VPS39: variants seen among roughly 807,000 people sequenced by gnomAD.
VPS39 encodes the protein vam6/Vps39-like protein.
VPS39 carries 70 observed loss-of-function variants against 121.0 expected under a neutral mutation model. The ratio of observed to expected loss-of-function variants is 0.58; its 90% confidence interval spans 0.48 to 0.71. The LOEUF (loss-of-function observed/expected upper bound fraction) is 0.71. VPS39 is among the 30% of genes least tolerant of loss of function. The probability of loss-of-function intolerance (pLI) is 0.00; values close to 1 mark genes in which losing one functional copy is unlikely to be tolerated. For synonymous variants in VPS39, 378 were observed against 398.1 expected, an observed-to-expected ratio of 0.95 and a Z score of 0.60; for missense variants, 818 against 1,051.5, an observed-to-expected ratio of 0.78 and a Z score of 3.07.
chr15:42,186,652 A>C lies in VPS39; in HGVS notation c.534+619T>G, dbSNP rs763242355. Among the ~76,000 whole-genome samples, 106 of 152,232 alleles carry C rather than the reference A, an allele frequency of 7.0e-4. 1 individual carries two copies. Among genetic ancestry groups the C allele is most frequent in the Admixed American group, 1.7e-3 (26 of 15,286 alleles). ...TTTACAACTTACGTTAAGAGAAAACACAGGTCATAAAACAATTGTATAGCA... is the reference window on the plus strand; with the variant it reads ...TTTACAACTTACGTTAAGAGAAAACCCAGGTCATAAAACAATTGTATAGCA... On this transcript the variant is annotated intron_variant, in intron 7 of 24. Coordinates refer to ENST00000318006, the MANE Select transcript of VPS39 (RefSeq NM_015289.5).
intron 3 of VPS39, 74 bp downstream of exon 3, chr15:42,191,422 C>T (rs1168753855): frequency 1.4e-6 from 2 of 1,445,478 alleles, no homozygotes; most frequent in Non-Finnish European, 1.9e-6. Context: ...TAATAAATAA[C>T]ATTACCAAAG....
chr15:42,172,140 G>C (rs991707677), intron 11 of VPS39, among the ~76,000 whole-genome samples: 1 of 152,184 alleles, frequency 6.6e-6, no homozygotes, highest in Non-Finnish European at 1.5e-5. Context: ...TCCTTGCCTT[G>C]AACCTGGCAG....
At chr15:42,193,493 C>G (rs2049872657) in intron 2 of VPS39, among the ~76,000 whole-genome samples, 2 of 152,178 alleles carry the variant, frequency 1.3e-5, no homozygotes, top group Admixed American at 1.3e-4. Context: ...TGTCAATGAA[C>G]TTTTCATTTT....
chr15:42,183,702 A>G (rs1386141182), intron 8 of VPS39, among the ~76,000 whole-genome samples: 2 of 152,206 alleles, frequency 1.3e-5, no homozygotes, highest in Middle Eastern at 3.2e-3. Context: ...CTTCCTAATT[A>G]AACAACAAAC....
chr15:42,204,106 C>T (rs772516409), intron 1 of VPS39, among the ~76,000 whole-genome samples: 1 of 152,238 alleles, frequency 6.6e-6, no homozygotes, highest in South Asian at 2.1e-4. Context: ...TGCAGTCCAA[C>T]TTCATGTAAT....
chr15:42,164,152 C>A (rs921496100), intron 19 of VPS39, among the ~76,000 whole-genome samples: 1 of 152,204 alleles, frequency 6.6e-6, no homozygotes, highest in Admixed American at 6.5e-5. Flanking sequence ...TATCAATTAG[C>A]ATGTGGTTCA....
At chr15:42,178,090 T>C in intron 10 of VPS39, 128 bp downstream of exon 10, 1 of 1,260,250 alleles carries the variant, frequency 7.9e-7, no homozygotes, top group South Asian at 1.5e-5. Context: ...TCAGACCTAG[T>C]ATTCAAGGCC....
intron 13 of VPS39, 151 bp from the exon 14 acceptor site, chr15:42,167,064 T>C (rs1373658783): frequency 2.6e-6 from 3 of 1,137,330 alleles, no homozygotes; most frequent in African/African-American, 1.5e-5. Context: ...TAGAGGCTTT[T>C]AGAGCATTTA....
chr15:42,184,590 G>C lies in VPS39; in HGVS notation c.645C>G (p.Thr215=). 6.2e-7 allele frequency: 1 copy of C among 1,614,120 alleles called. No individual in the cohort carries two copies. Among genetic ancestry groups the C allele is most frequent in the Non-Finnish European group, 8.5e-7 (1 of 1,180,018 alleles). The part of the protein sequence containing the change: ...GKVAVGQDDL[T]VVLNEEGICT... ...AGATCCCTTCCTCATTGAGTACCAC[G>C]GTGAGATCATCCTGGCCCACAGCCA... is the stretch of plus-strand genomic sequence containing the variant. Residue 215 remains threonine (T), a synonymous_variant, in exon 8 of 25, where the codon ACC becomes ACG. Coordinates refer to ENST00000318006, the MANE Select transcript of VPS39 (RefSeq NM_015289.5).
chr15:42,164,917 AC>A, intron 18 of VPS39, 78 bp downstream of exon 18: 1 of 1,587,042 alleles, frequency 6.3e-7, no homozygotes, highest in Non-Finnish European at 8.6e-7. Flanking sequence ...TGGCCTGCTT[AC>A]CCCCACCACA....
intron 2 of VPS39, among the ~76,000 whole-genome samples, chr15:42,194,077 A>G (rs556804730): frequency 6.6e-6 from 1 of 152,348 alleles, no homozygotes; most frequent in South Asian, 2.1e-4. Context: ...TACTAAAAAG[A>G]TGTGTTGCCA....
At chr15:42,198,552 G>A (rs1232021334) in intron 2 of VPS39, among the ~76,000 whole-genome samples, 1 of 152,076 alleles carries the variant, frequency 6.6e-6, no homozygotes, top group African/African-American at 2.4e-5. Flanking sequence ...TGTTGCCCAG[G>A]CTGGCCTCGA....
chr15:42,165,006 G>A lies in VPS39; in HGVS notation c.1887C>T (p.Ser629=). 6.2e-7 allele frequency: 1 copy of A among 1,614,184 alleles called. No homozygotes were observed. The highest frequency in any genetic ancestry group is 8.5e-7 in the Non-Finnish European group (1 of 1,180,032). Residue 629 remains serine, a synonymous_variant, in exon 18 of 25, where the codon TCC becomes TCT. Coordinates refer to ENST00000318006, the MANE Select transcript of VPS39 (RefSeq NM_015289.5). Reference sequence around the variant, plus strand: ...TAAAAGAACTGGTACCTGCAGGGAAGGACAGGAGATACTCCTTCATCAGAC... The same window carrying A: ...TAAAAGAACTGGTACCTGCAGGGAAAGACAGGAGATACTCCTTCATCAGAC... ...VQGLMKEYLL[S]FPAGKTPVPA...
chr15:42,168,133 T>C (rs116386948), intron 12 of VPS39, among the ~76,000 whole-genome samples: 2,548 of 152,354 alleles, frequency 0.017, 76 homozygotes, highest in African/African-American at 0.059. Flanking sequence ...TCATCCAGTA[T>C]GTATTCTCTT....
Position 42,187,839 on chromosome 15 carries a change from C to T in VPS39, c.360G>A (p.Glu120=), listed in dbSNP as rs61733873. ...CTGCCACACACATCCGTAACACCTCCTCACCGGTCTCTGTGTGCTGGGAGG... is the reference window on the plus strand; with the variant it reads ...CTGCCACACACATCCGTAACACCTCTTCACCGGTCTCTGTGTGCTGGGAGG... ...TCDLQHTETG[E]EVLRMCVAVK... The change falls in exon 6 of 25, where the codon GAG becomes GAA. Residue 120 remains glutamate, a synonymous_variant. Coordinates refer to ENST00000318006, the MANE Select transcript of VPS39 (RefSeq NM_015289.5). 1.7e-3 allele frequency: 2,740 copies of T among 1,614,176 alleles called. 39 individuals are homozygous for T. In the African/African-American group the frequency reaches 0.032, roughly 19 times the overall value.
Position 42,161,570 on chromosome 15 carries a change from C to T in VPS39, c.2552+112G>A, listed in dbSNP as rs777333487. 3 of 1,102,396 alleles carry T rather than the reference C, an allele frequency of 2.7e-6. No individual in the cohort carries two copies. The Admixed American group carries it at 5.1e-5, about 19-fold the overall frequency. 68.3% of individuals were successfully genotyped at this position (1,102,396 alleles called of 1,614,324 possible). On this transcript the variant is annotated intron_variant, in intron 24 of 24. Coordinates refer to ENST00000318006, the MANE Select transcript of VPS39 (RefSeq NM_015289.5). The stretch of plus-strand genomic sequence containing the variant: ...AAGAACTAAAAGTTGTCAGGACAGC[C>T]AGCAGCCATGTTCTCCTTCTCTGTT...
chr15:42,177,516 C>T (rs551146966), intron 10 of VPS39, among the ~76,000 whole-genome samples: 13 of 152,112 alleles, frequency 8.5e-5, no homozygotes, highest in South Asian at 2.1e-4. Flanking sequence ...TAGGAGTCTA[C>T]TGTGGAAAGG....
chr15:42,175,336 A>G (rs2049429190), intron 10 of VPS39, among the ~76,000 whole-genome samples: 1 of 147,896 alleles, frequency 6.8e-6, no homozygotes, highest in Non-Finnish European at 1.5e-5. Context: ...TGAACCCGGG[A>G]GGCGGAGGTT....
chr15:42,187,952 C>A (rs609660), intron 5 of VPS39, 96 bp from the exon 6 acceptor site: 127,826 of 1,185,180 alleles, frequency 0.11, 9,347 homozygotes, highest in African/African-American at 0.25. Flanking sequence ...ATTGCTACTA[C>A]TCTGAAAATT....
Sources: allele counts gnomAD v4.1 joint callset (sites outside exome capture counted in the v4.1 genomes callset), GRCh38; gene constraint gnomAD v4.1.1; transcripts MANE v1.5; gene names NCBI Gene and HGNC (gene_info 2026-07-23, HGNC 2026-07-21).